Variants in JMJD1C observed in about 807,000 individuals in gnomAD.
JMJD1C encodes the protein jumonji domain-containing protein 1C.
JMJD1C carries 31 observed loss-of-function variants against 245.3 expected under a neutral mutation model. That is an observed-to-expected ratio of 0.13 (90% CI 0.09 to 0.17). JMJD1C has a LOEUF of 0.17. Ranked by LOEUF, JMJD1C falls within the 10% of genes least tolerant of loss-of-function variation. The pLI is 1.00. For synonymous variants in JMJD1C, 1,057 were observed against 1,017.4 expected (o/e 1.04, Z -0.74); for missense variants, 2,691 against 3,000.2 (o/e 0.90, Z 2.41).
At chr10:63,285,183 G>C (rs994949654) in intron 2 of JMJD1C, among the ~76,000 whole-genome samples, 2 of 152,128 alleles carry the variant, frequency 1.3e-5, no homozygotes, top group African/African-American at 4.8e-5. Flanking sequence ...CAAACTGCAA[G>C]TCATGTAGCA....
chr10:63,493,200 G>A (rs1324793408), intron 1 of JMJD1C, among the ~76,000 whole-genome samples: 1 of 137,832 alleles, frequency 7.3e-6, no homozygotes, highest in Non-Finnish European at 1.5e-5. Flanking sequence ...CAACATATAT[G>A]TAAGAATCAC....
intron 2 of JMJD1C, among the ~76,000 whole-genome samples, chr10:63,350,386 CG>C (rs1944250833): frequency 6.6e-6 from 1 of 152,064 alleles, no homozygotes; most frequent in African/African-American, 2.4e-5. Context: ...AACTACTGTT[CG>C]AAATAACTTT....
rs144406517 is a variant in JMJD1C, at chr10:63,261,192, C to G, written c.447+3459G>C. On this transcript the variant is annotated intron_variant, in intron 3 of 25. Coordinates refer to ENST00000399262, the MANE Select transcript of JMJD1C (RefSeq NM_032776.3). ...ATTATACTCTCTGAAAATGTTGGTT[C>G]AATTTCTCTTTTTAGTCATGTTTCT... 1.5e-3 allele frequency among the ~76,000 whole-genome samples: 226 copies of G among 152,218 alleles called. 4 individuals carry two copies. The East Asian group carries it at 0.035, about 24-fold the overall frequency.
At chr10:63,307,984 TAATAAA>T (rs1938521597) in intron 2 of JMJD1C, among the ~76,000 whole-genome samples, 1 of 151,778 alleles carries the variant, frequency 6.6e-6, no homozygotes, top group Admixed American at 6.6e-5. Context: ...AACCTGTCAC[TAATAAA>T]AATACAAAAA....
chr10:63,335,797 C>G (rs1445878306), intron 2 of JMJD1C, among the ~76,000 whole-genome samples: 1 of 152,024 alleles, frequency 6.6e-6, no homozygotes, highest in Non-Finnish European at 1.5e-5. Flanking sequence ...AGGCATGAAC[C>G]ACGGCGCCTG....
chr10:63,486,874 T>C (rs944890588), intron 1 of JMJD1C, among the ~76,000 whole-genome samples: 2 of 152,174 alleles, frequency 1.3e-5, no homozygotes, highest in Non-Finnish European at 2.9e-5. Context: ...TCAGACACTA[T>C]GGCCAAGGCG....
At chr10:63,264,825 G>A in intron 2 of JMJD1C, 61 bp from the exon 3 acceptor site, 1 of 751,358 alleles carries the variant, frequency 1.3e-6, no homozygotes, top group Non-Finnish European at 2.3e-6. Context: ...AAATTATGAA[G>A]GAACACACAC....
chr10:63,478,730 G>A (rs975563507), intron 1 of JMJD1C, among the ~76,000 whole-genome samples: 1 of 152,218 alleles, frequency 6.6e-6, no homozygotes, highest in Non-Finnish European at 1.5e-5. Flanking sequence ...ACTGGCAACC[G>A]GGAAGCTCAC....
At chr10:63,303,966 C>T (rs1274389141) in intron 2 of JMJD1C, among the ~76,000 whole-genome samples, 2 of 152,044 alleles carry the variant, frequency 1.3e-5, no homozygotes, top group African/African-American at 4.8e-5. Flanking sequence ...GTAAGGATAT[C>T]CCTGAGAAGC....
chr10:63,197,311 T>C, intron 13 of JMJD1C, 100 bp downstream of exon 13: 2 of 1,006,896 alleles, frequency 2.0e-6, no homozygotes, highest in Non-Finnish European at 2.9e-6. Flanking sequence ...AATACATTAA[T>C]AAGGAAAGTA....
Position 63,338,640 on chromosome 10 carries a change from A to ATTTTT in JMJD1C, c.333+41673_333+41677dup, listed in dbSNP as rs34238197. ...AATCAAATATCTTTCTGCTCCTTAG[A>ATTTTT]TTTTTTTTTTTTTTTTTTTTTTTTT... On this transcript the variant is annotated intron_variant, in intron 2 of 25. Transcript: ENST00000399262. Among the ~76,000 whole-genome samples the ATTTTT allele has an allele frequency of 4.6e-3, 441 of 95,106 alleles. 25 individuals are homozygous for ATTTTT. Among genetic ancestry groups the ATTTTT allele is most frequent in the African/African-American group, 0.017 (403 of 23,742 alleles). The allele number at this position is 95,106 out of a possible 152,430, so 62.4% of individuals were successfully genotyped here.
intron 3 of JMJD1C, among the ~76,000 whole-genome samples, chr10:63,261,136 G>C (rs927645066): frequency 1.3e-5 from 2 of 152,086 alleles, no homozygotes; most frequent in African/African-American, 4.8e-5. Flanking sequence ...ATCGAGGCCT[G>C]TTGCTTCAGT....
chr10:63,184,556 T>A, intron 21 of JMJD1C, 52 bp downstream of exon 21: 5 of 1,529,262 alleles, frequency 3.3e-6, no homozygotes, highest in Middle Eastern at 1.7e-4. Context: ...AGCAAAAATT[T>A]TAAAAAATCC....
intron 21 of JMJD1C, 28 bp downstream of exon 21, chr10:63,184,562 AATCCAATATAATTCCTAC>A (rs1487750241): frequency 6.5e-7 from 1 of 1,537,148 alleles, no homozygotes; most frequent in Non-Finnish European, 8.7e-7. Flanking sequence ...AATTTTAAAA[AATCCAATATAATTCCTAC>A]ATGGGAGAAA....
rs555221438 is a variant in JMJD1C at position 63,230,887 on chromosome 10, T to C, written c.448-10904A>G. ...TTTCTACCACACAAGGTTAATGCAA[T>C]GTTATTTCAAAATATTTCTAACATA... On this transcript the variant is annotated intron_variant, in intron 3 of 25. Coordinates refer to ENST00000399262, the MANE Select transcript of JMJD1C (RefSeq NM_032776.3). Among the ~76,000 whole-genome samples, 153 of 152,216 alleles carry C rather than the reference T, an allele frequency of 1.0e-3. 1 individual carries two copies. The highest frequency in any genetic ancestry group is 3.6e-3 in the African/African-American group (148 of 41,534).
chr10:63,214,528 A>T lies in JMJD1C; in HGVS notation c.1639T>A (p.Ser547Thr). 1 of 1,613,878 alleles carries T rather than the reference A, an allele frequency of 6.2e-7. No individual in the cohort carries two copies. The highest frequency in any genetic ancestry group is 8.5e-7 in the Non-Finnish European group (1 of 1,179,962). ...MDPNVSDSKH[S>T]IANAKFLETA... is the part of the protein sequence containing the mutation. Reference sequence around the variant, plus strand: ...TCCAAGAATTTTGCATTTGCAATAGAGTGTTTTGAATCACTAACATTAGGA... The same window carrying T: ...TCCAAGAATTTTGCATTTGCAATAGTGTGTTTTGAATCACTAACATTAGGA... The change falls in exon 8 of 26, where the codon TCT becomes ACT. Residue 547 changes from serine (S) to threonine (T), a missense_variant. Physicochemically the swap from Ser to Thr is moderately conservative, Grantham distance 58. Transcript: ENST00000399262.
intron 21 of JMJD1C, 63 bp downstream of exon 21, chr10:63,184,545 G>T: frequency 6.8e-7 from 1 of 1,469,424 alleles, no homozygotes; most frequent in Non-Finnish European, 9.2e-7. Flanking sequence ...TGCCCGGCCT[G>T]AGCAAAAATT....
At chr10:63,224,808 A>G (rs956491231) in intron 3 of JMJD1C, among the ~76,000 whole-genome samples, 1 of 152,128 alleles carries the variant, frequency 6.6e-6, no homozygotes, top group Non-Finnish European at 1.5e-5. Flanking sequence ...TCACACTTAT[A>G]ATCCCAGCAC....
At chr10:63,422,835 C>T (rs983075075) in intron 1 of JMJD1C, among the ~76,000 whole-genome samples, 3 of 152,108 alleles carry the variant, frequency 2.0e-5, no homozygotes, top group Non-Finnish European at 1.5e-5. Context: ...TTCACATGTA[C>T]TTTTTACAAA....
Sources: allele counts gnomAD v4.1 joint callset (sites outside exome capture counted in the v4.1 genomes callset), GRCh38; gene constraint gnomAD v4.1.1; transcripts MANE v1.5; gene names NCBI Gene and HGNC (gene_info 2026-07-23, HGNC 2026-07-21).